Variants in CNTNAP5 observed in about 807,000 individuals in gnomAD.
CNTNAP5 encodes the protein contactin associated protein family member 5, also known as contactin-associated protein-like 5.
In CNTNAP5, 72 loss-of-function variants were observed where a neutral mutation model predicts 150.2. That is an observed-to-expected ratio of 0.48 (90% CI 0.40 to 0.58). The LOEUF (loss-of-function observed/expected upper bound fraction) is 0.58, where lower values mean the gene tolerates loss of function less well. CNTNAP5 is among the 20% of genes least tolerant of loss of function. The probability of loss-of-function intolerance (pLI) is 0.00; values close to 1 mark genes in which losing one functional copy is unlikely to be tolerated. For missense variants in CNTNAP5, 1,636 were observed against 1,626.2 expected, an observed-to-expected ratio of 1.01 and a Z score of -0.10; for synonymous variants, 672 against 619.8, an observed-to-expected ratio of 1.08 and a Z score of -1.25.
chr2:124,219,647 A>G (rs1037835500), intron 1 of CNTNAP5, among the ~76,000 whole-genome samples: 5 of 152,098 alleles, frequency 3.3e-5, no homozygotes, highest in African/African-American at 1.2e-4. Context: ...TTTTTTCCAC[A>G]TTCATCTGAT....
At chr2:124,585,245 TAGAG>T (rs1204865677) in intron 11 of CNTNAP5, among the ~76,000 whole-genome samples, 2 of 152,036 alleles carry the variant, frequency 1.3e-5, no homozygotes, top group African/African-American at 4.8e-5. Flanking sequence ...TTTCAGCTGA[TAGAG>T]AGAGAAGAAA....
At chr2:124,476,208 A>T (rs1399092272) in intron 7 of CNTNAP5, among the ~76,000 whole-genome samples, 1 of 152,114 alleles carries the variant, frequency 6.6e-6, no homozygotes, top group Non-Finnish European at 1.5e-5. Context: ...ATATTTTTAG[A>T]ACCATTTCTA....
At chr2:124,894,339 C>T (rs530199396) in intron 21 of CNTNAP5, among the ~76,000 whole-genome samples, 1 of 151,382 alleles carries the variant, frequency 6.6e-6, no homozygotes, top group Admixed American at 6.6e-5. Flanking sequence ...TGCTAAAAAA[C>T]CTCTCTTGGA....
rs182634012 is a variant in CNTNAP5 at position 124,527,768 on chromosome 2, G to A, written c.1649+312G>A. On this transcript the variant is annotated intron_variant, in intron 10 of 23. Transcript: ENST00000682447. The stretch of plus-strand genomic sequence containing the variant: ...TACTTTGAAGTTAAAGCAAAAAGGA[G>A]GAAGGAATTACTTCTCTCCTAAACC... 1.1e-4 allele frequency among the ~76,000 whole-genome samples: 17 copies of A among 152,274 alleles called. No individual in the cohort carries two copies. In the East Asian group the frequency reaches 2.1e-3, roughly 19 times the overall value.
At chr2:124,414,937 G>T (rs537114686) in intron 3 of CNTNAP5, among the ~76,000 whole-genome samples, 1 of 152,306 alleles carries the variant, frequency 6.6e-6, no homozygotes, top group African/African-American at 2.4e-5. Context: ...CAGTTAGGCT[G>T]TAGAAAAACA....
At chr2:124,684,225 C>A (rs538192904) in intron 13 of CNTNAP5, among the ~76,000 whole-genome samples, 3 of 152,244 alleles carry the variant, frequency 2.0e-5, no homozygotes, top group African/African-American at 4.8e-5. Flanking sequence ...TTAAACAAAG[C>A]CAGCGGAGTG....
intron 1 of CNTNAP5, among the ~76,000 whole-genome samples, chr2:124,166,418 T>C (rs1219055152): frequency 1.3e-5 from 2 of 152,150 alleles, no homozygotes; most frequent in African/African-American, 2.4e-5. Context: ...GATTTAAGTA[T>C]AGGGATTCCA....
rs1035849813 is a variant in CNTNAP5, at chr2:124,367,203, C to T, written c.382-50240C>T. Among the ~76,000 whole-genome samples the T allele has an allele frequency of 4.6e-5, 7 of 152,136 alleles. 1 individual carries two copies. The highest frequency in any genetic ancestry group is 1.2e-4 in the African/African-American group (5 of 41,436). ...TTTGAAATGGTAAAAACAGAGAGAACAGTAACCATTGGACTGGTGGCAGGA... is the reference window on the plus strand; with the variant it reads ...TTTGAAATGGTAAAAACAGAGAGAATAGTAACCATTGGACTGGTGGCAGGA... On this transcript the variant is annotated intron_variant, in intron 3 of 23. Coordinates refer to ENST00000682447, the MANE Select transcript of CNTNAP5 (RefSeq NM_001367498.1).
chr2:124,344,817 C>T (rs1289885961), intron 3 of CNTNAP5, among the ~76,000 whole-genome samples: 1 of 152,098 alleles, frequency 6.6e-6, no homozygotes, highest in Non-Finnish European at 1.5e-5. Flanking sequence ...TGGTAAAACA[C>T]AAGAATAATC....
At chr2:124,455,399 T>C (rs967921714) in intron 6 of CNTNAP5, among the ~76,000 whole-genome samples, 1 of 152,056 alleles carries the variant, frequency 6.6e-6, no homozygotes, top group African/African-American at 2.4e-5. Flanking sequence ...GATATTGAAA[T>C]AGTAATCAAA....
chr2:124,120,079 G>A (rs1487065904), intron 1 of CNTNAP5, among the ~76,000 whole-genome samples: 1 of 152,160 alleles, frequency 6.6e-6, no homozygotes, highest in Non-Finnish European at 1.5e-5. Flanking sequence ...AGACAGGTTT[G>A]AGGACCACTG....
chr2:124,642,671 C>T (rs1678118339), intron 12 of CNTNAP5, among the ~76,000 whole-genome samples: 1 of 152,284 alleles, frequency 6.6e-6, no homozygotes, highest in South Asian at 2.1e-4. Context: ...TTTATAACAG[C>T]CTCAGACATT....
intron 2 of CNTNAP5, among the ~76,000 whole-genome samples, chr2:124,224,875 A>G (rs1385511648): frequency 1.3e-5 from 2 of 152,152 alleles, no homozygotes; most frequent in Non-Finnish European, 2.9e-5. Context: ...GCTTCCTTTT[A>G]AGACCAAACT....
At chr2:124,346,032 T>G (rs1689729825) in intron 3 of CNTNAP5, among the ~76,000 whole-genome samples, 1 of 151,876 alleles carries the variant, frequency 6.6e-6, no homozygotes, top group Non-Finnish European at 1.5e-5. Context: ...TTCTAAAATG[T>G]GCTGCAGATA....
chr2:124,278,288 C>T (rs139104187), intron 3 of CNTNAP5, among the ~76,000 whole-genome samples: 37 of 152,038 alleles, frequency 2.4e-4, no homozygotes, highest in African/African-American at 6.5e-4. Flanking sequence ...AAAAGAATAA[C>T]AAATTAACTT....
intron 17 of CNTNAP5, among the ~76,000 whole-genome samples, chr2:124,788,587 TTTTCTTTC>T (rs201590089): frequency 6.8e-5 from 10 of 146,248 alleles, no homozygotes; most frequent in Non-Finnish European, 1.3e-4. Flanking sequence ...TTTTCTTTCT[TTTTCTTTC>T]TTTCTTTCTT....
At chr2:124,469,355 CAA>C (rs1365721473) in intron 6 of CNTNAP5, among the ~76,000 whole-genome samples, 1 of 151,912 alleles carries the variant, frequency 6.6e-6, no homozygotes, top group African/African-American at 2.4e-5. Context: ...TTCCTGCAAA[CAA>C]TATTTTCTTA....
chr2:124,587,670 G>A (rs890916116), intron 11 of CNTNAP5, among the ~76,000 whole-genome samples: 4 of 152,078 alleles, frequency 2.6e-5, no homozygotes, highest in Non-Finnish European at 5.9e-5. Context: ...CTTCCAGAAA[G>A]GTCTCTCAGA....
chr2:124,414,966 C>A (rs903466344), intron 3 of CNTNAP5, among the ~76,000 whole-genome samples: 1 of 152,114 alleles, frequency 6.6e-6, no homozygotes, highest in Admixed American at 6.5e-5. Context: ...TTTTACTCTA[C>A]CCAAAACAGT....
Sources: allele counts gnomAD v4.1 joint callset (sites outside exome capture counted in the v4.1 genomes callset), GRCh38; gene constraint gnomAD v4.1.1; transcripts MANE v1.5; gene names NCBI Gene and HGNC (gene_info 2026-07-23, HGNC 2026-07-21).